WDFY2: variants seen among roughly 807,000 people sequenced by gnomAD.
The protein encoded by WDFY2 is WD repeat and FYVE domain containing 2.
WDFY2 carries 36 observed loss-of-function variants against 56.4 expected under a neutral mutation model. That is an observed-to-expected ratio of 0.64 (90% CI 0.49 to 0.84). The LOEUF (loss-of-function observed/expected upper bound fraction) is 0.84. Among genes scored for constraint, WDFY2 ranks in the 40% least tolerant of loss-of-function variants. WDFY2 has a pLI of 0.00. For synonymous variants in WDFY2, 176 were observed against 183.7 expected, an observed-to-expected ratio of 0.96 and a Z score of 0.34; for missense variants, 444 against 512.2, an observed-to-expected ratio of 0.87 and a Z score of 1.29.
intron 6 of WDFY2, among the ~76,000 whole-genome samples, chr13:51,735,696 A>G (rs1337334860): frequency 6.6e-6 from 1 of 152,218 alleles, no homozygotes; most frequent in South Asian, 2.1e-4. Context: ...GGCTCAATAC[A>G]TGCTTGTTGA....
chr13:51,722,803 G>A (rs1225579507), intron 5 of WDFY2, among the ~76,000 whole-genome samples: 2 of 152,184 alleles, frequency 1.3e-5, no homozygotes, highest in Non-Finnish European at 2.9e-5. Flanking sequence ...ATGGCAGGTA[G>A]ATGATAGTAA....
chr13:51,590,508 A>G (rs1174186859), intron 1 of WDFY2: 1 of 152,192 alleles, frequency 6.6e-6, no homozygotes, highest in African/African-American at 2.4e-5. Context: ...AAATTAAAAC[A>G]CTTTGTGGCA....
intron 1 of WDFY2, among the ~76,000 whole-genome samples, chr13:51,608,758 T>C (rs1267199649): frequency 6.6e-6 from 1 of 152,230 alleles, no homozygotes; most frequent in Admixed American, 6.5e-5. Context: ...GATATGCATA[T>C]TTTGTTCTTC....
intron 1 of WDFY2, among the ~76,000 whole-genome samples, chr13:51,657,850 A>G (rs1289038521): frequency 6.6e-6 from 1 of 152,006 alleles, no homozygotes; most frequent in Non-Finnish European, 1.5e-5. Context: ...TGTTCATACA[A>G]CCTTGTCCTG....
At chr13:51,607,867 A>G (rs1258553311) in intron 1 of WDFY2, among the ~76,000 whole-genome samples, 2 of 152,162 alleles carry the variant, frequency 1.3e-5, no homozygotes, top group East Asian at 1.9e-4. Context: ...TAAGTTAAGG[A>G]TCTTGAATGG....
At chr13:51,757,333 T>C (rs1443959423) in intron 10 of WDFY2, among the ~76,000 whole-genome samples, 1 of 152,214 alleles carries the variant, frequency 6.6e-6, no homozygotes, top group East Asian at 1.9e-4. Context: ...CTTCATTTTG[T>C]AGCTAAAGAC....
chr13:51,657,845 A>T (rs759719908), intron 1 of WDFY2, among the ~76,000 whole-genome samples: 6 of 152,114 alleles, frequency 3.9e-5, no homozygotes, highest in Non-Finnish European at 7.4e-5. Context: ...CCATTTGTTC[A>T]TACAACCTTG....
intron 1 of WDFY2, among the ~76,000 whole-genome samples, chr13:51,625,524 A>G (rs545004134): frequency 5.6e-4 from 85 of 152,190 alleles, no homozygotes; most frequent in Non-Finnish European, 9.1e-4. Context: ...AAACAAATTG[A>G]TATTTTGCTT....
At chr13:51,589,024 C>T (rs1379660508) in intron 1 of WDFY2, 1 of 152,024 alleles carries the variant, frequency 6.6e-6, no homozygotes, top group Non-Finnish European at 1.5e-5. Flanking sequence ...CAACATAGGC[C>T]CTGCTGTGTT....
Position 51,743,798 on chromosome 13 carries a change from G to A in WDFY2, c.725+4623G>A, listed in dbSNP as rs547232208. 6.0e-4 allele frequency among the ~76,000 whole-genome samples: 92 copies of A among 152,316 alleles called. 2 individuals carry two copies. Among genetic ancestry groups the A allele is most frequent in the African/African-American group, 2.1e-3 (88 of 41,564 alleles). On this transcript the variant is annotated intron_variant, in intron 7 of 11. Coordinates refer to ENST00000298125, the MANE Select transcript of WDFY2 (RefSeq NM_052950.4). ...ACTGGAAAGTGGGAGGCCTCAGTGC[G>A]GGGGTCACTCTTGGTTTGGATGATG... is the stretch of plus-strand genomic sequence containing the variant.
chr13:51,593,963 C>T (rs1954098613), intron 1 of WDFY2: 1 of 152,164 alleles, frequency 6.6e-6, no homozygotes, highest in Non-Finnish European at 1.5e-5. Flanking sequence ...GTGCAGTGGC[C>T]ATTCAGAGGC....
At chr13:51,723,655 C>A (rs1189824579) in intron 5 of WDFY2, among the ~76,000 whole-genome samples, 1 of 152,180 alleles carries the variant, frequency 6.6e-6, no homozygotes, top group Non-Finnish European at 1.5e-5. Flanking sequence ...GCATTTGGTT[C>A]TCACCAAGTG....
Position 51,762,718 on chromosome 13 carries a change from C to G in WDFY2, c.*2949C>G, listed in dbSNP as rs556819944. 1 of 152,286 alleles carries G rather than the reference C, an allele frequency of 6.6e-6. No individual in the cohort carries two copies. Among genetic ancestry groups the G allele is most frequent in the South Asian group, 2.1e-4 (1 of 4,832 alleles). 9.4% of individuals were successfully genotyped at this position (152,286 alleles called of 1,614,324 possible). A position where few individuals can be genotyped will look rare whatever the true frequency, so the allele number is the denominator to read the frequency against. ...GAACTCTCATAATTCTTGTTTTACCCTGTTGGATTTGCACTTTACATATAT... is the reference window on the plus strand; with the variant it reads ...GAACTCTCATAATTCTTGTTTTACCGTGTTGGATTTGCACTTTACATATAT... On this transcript the variant is annotated 3_prime_UTR_variant, in exon 12 of 12. Coordinates refer to ENST00000298125, the MANE Select transcript of WDFY2 (RefSeq NM_052950.4).
At chr13:51,647,417 T>C (rs1955282728) in intron 1 of WDFY2, among the ~76,000 whole-genome samples, 1 of 152,192 alleles carries the variant, frequency 6.6e-6, no homozygotes, top group Non-Finnish European at 1.5e-5. Context: ...GGTGAGTATG[T>C]GTGTATCTAA....
intron 1 of WDFY2, among the ~76,000 whole-genome samples, chr13:51,623,851 T>A (rs2138363475): frequency 6.6e-6 from 1 of 152,206 alleles, no homozygotes; most frequent in South Asian, 2.1e-4. Context: ...TTTTTTTTTT[T>A]TTTAAAGGAA....
intron 1 of WDFY2, among the ~76,000 whole-genome samples, chr13:51,650,967 T>C (rs1347968297): frequency 1.3e-5 from 2 of 152,230 alleles, no homozygotes; most frequent in Non-Finnish European, 2.9e-5. Context: ...TTCTACTGAT[T>C]GGAATAGTTT....
In WDFY2 at chr13:51,584,705, G is replaced by T; in HGVS notation, c.18G>T (p.Gln6His). 6.2e-7 allele frequency: 1 copy of T among 1,612,908 alleles called. No homozygotes were observed. The highest frequency in any genetic ancestry group is 8.5e-7 in the Non-Finnish European group (1 of 1,179,650). ...CTCCTCCGATGGCGGCGGAGATCCA[G>T]CCCAAGCCTCTGACCCGCAAGCCGA... is the stretch of plus-strand genomic sequence containing the variant. MAAEI[Q>H]PKPLTRKPIL... Residue 6 changes from glutamine to histidine, a missense_variant, in exon 1 of 12, where the codon CAG becomes CAT. By Grantham distance (24) the Gln-to-His change is conservative (BLOSUM62 0). Transcript: ENST00000298125.
intron 6 of WDFY2, among the ~76,000 whole-genome samples, chr13:51,736,261 T>A (rs956597872): frequency 1.1e-4 from 16 of 152,218 alleles, no homozygotes; most frequent in Non-Finnish European, 1.5e-5. Flanking sequence ...TAGGTACTAT[T>A]ATCATCCCTG....
chr13:51,682,977 C>T (rs1392993989), intron 3 of WDFY2, among the ~76,000 whole-genome samples: 3 of 152,154 alleles, frequency 2.0e-5, no homozygotes, highest in Non-Finnish European at 2.9e-5. Context: ...ATTTGCAAAA[C>T]ATGGGCTGTC....
Sources: allele counts gnomAD v4.1 joint callset (sites outside exome capture counted in the v4.1 genomes callset), GRCh38; gene constraint gnomAD v4.1.1; transcripts MANE v1.5; gene names NCBI Gene and HGNC (gene_info 2026-07-23, HGNC 2026-07-21).